Variants in KLHL17 observed in about 807,000 individuals in gnomAD.
The protein encoded by KLHL17 is kelch-like protein 17.
A neutral mutation model predicts 64.6 loss-of-function variants in KLHL17; 71 were observed. The observed-to-expected ratio is 1.10, with a 90% CI of 0.91 to 1.34. KLHL17 has a LOEUF of 1.34. Among genes scored for constraint, KLHL17 ranks in the 40% most tolerant of loss-of-function variants. KLHL17 has a pLI of 0.00. For missense variants in KLHL17, 1,140 were observed against 935.0 expected, an observed-to-expected ratio of 1.22 and a Z score of -2.86; for synonymous variants, 612 against 405.4, an observed-to-expected ratio of 1.51 and a Z score of -6.12.
rs746209366 is a variant in KLHL17, at chr1:964,957, C to G, written c.1701-6C>G. The G allele has an allele frequency of 3.8e-6, 6 of 1,594,006 alleles. No homozygotes were observed. The South Asian group carries it at 5.6e-5, about 15-fold the overall frequency. Reference sequence around the variant, plus strand: ...CAGCCAGGGGCTCACCCCGCCTTCCCCCCAGGAGCACGCATGACCTGGTGG... The same window carrying G: ...CAGCCAGGGGCTCACCCCGCCTTCCGCCCAGGAGCACGCATGACCTGGTGG... On this transcript the variant is annotated splice_region_variant and splice_polypyrimidine_tract_variant and intron_variant, in intron 11 of 11. Coordinates refer to ENST00000338591, the MANE Select transcript of KLHL17 (RefSeq NM_198317.3).
rs767111414 is a variant in KLHL17, at chr1:964,064, C to T, written c.1445-43C>T. The T allele has an allele frequency of 3.7e-6, 6 of 1,611,926 alleles. No individual in the cohort carries two copies. In the African/African-American group the frequency reaches 6.7e-5, roughly 18 times the overall value. On this transcript the variant is annotated intron_variant, in intron 9 of 11. Coordinates refer to ENST00000338591, the MANE Select transcript of KLHL17 (RefSeq NM_198317.3). ...CCCACCTTCCCCCACCGTGGAGACC[C>T]CACTCCCAGCAGGAGTGCCACGGGT... is the stretch of plus-strand genomic sequence containing the variant.
At position 962,486 on chromosome 1, in the gene KLHL17, C is replaced by CG. The variant is rs752752149; in HGVS notation, c.828+21dup. The CG allele has an allele frequency of 2.5e-5, 41 of 1,610,980 alleles. 1 individual carries two copies. The highest frequency in any genetic ancestry group is 3.0e-5 in the Non-Finnish European group (35 of 1,179,226). On this transcript the variant is annotated intron_variant, in intron 5 of 11. Coordinates refer to ENST00000338591, the MANE Select transcript of KLHL17 (RefSeq NM_198317.3). ...ATGTCCCACGGGTGAGGCGCGGCCG[C>CG]GGGGGGCTCCCACAGCATCCAGGAG...
rs574650767 is a variant in KLHL17, at chr1:964,563, G to C, written c.1700+33G>C. 31 of 1,444,630 alleles carry C rather than the reference G, an allele frequency of 2.1e-5. 1 individual carries two copies. The African/African-American group carries it at 4.6e-4, about 22-fold the overall frequency. The allele number at this position is 1,444,630 out of a possible 1,614,324, so 89.5% of individuals were successfully genotyped here. ...GTGGGGCTGCGGGGAGGGGGGCGCG[G>C]GTCCGCAGTGGGGCTGTGGGAGGGG... On this transcript the variant is annotated intron_variant, in intron 11 of 11. Transcript: ENST00000338591.
In KLHL17 at chr1:962,336, T is replaced by C. The variant is rs1557630908; in HGVS notation, c.712-19T>C. The C allele has an allele frequency of 3.1e-6, 5 of 1,612,374 alleles. No homozygotes were observed. The highest frequency in any genetic ancestry group is 2.5e-6 in the Non-Finnish European group (3 of 1,179,768). ...CAGGACCCTCCCCAGATCTCAGGTC[T>C]GAGGACCCCCACTCCCAGGTTCTGG... On this transcript the variant is annotated intron_variant, in intron 4 of 11. Transcript: ENST00000338591.
Position 961,740 on chromosome 1 carries a change from G to A in KLHL17, c.479G>A (p.Gly160Asp), listed in dbSNP as rs28530579. Residue 160 changes from glycine to aspartate, a missense_variant, in exon 3 of 12, where the codon GGC (glycine) becomes GAC (aspartate). Gly to Asp is a moderately conservative substitution (Grantham distance 94). Coordinates refer to ENST00000338591, the MANE Select transcript of KLHL17 (RefSeq NM_198317.3). ...AYTAEIVVGE[G>D]NVQTLLPAAS... ...ACGGCTGAGATTGTGGTGGGCGAGG[G>A]CAATGTGCAGGTGAGGGCTCCCTCA... 3 of 1,611,888 alleles carry A rather than the reference G, an allele frequency of 1.9e-6. No homozygotes were observed. Among genetic ancestry groups the A allele is most frequent in the South Asian group, 1.1e-5 (1 of 90,956 alleles).
chr1:962,999 G>A, intron 6 of KLHL17, 82 bp downstream of exon 6: 1 of 1,529,384 alleles, frequency 6.5e-7, no homozygotes. Flanking sequence ...GTGCCGGTCA[G>A]GTCCTGACCT....
In KLHL17 at chr1:961,376, G is replaced by C; in HGVS notation, c.191G>C (p.Gly64Ala). ...EGAVQLLSRE[G>A]HSVAHNSKRH... ...GCCGTGCAGCTGCTGAGCCGCGAGG[G>C]CCACAGCGTGGCCCACAACTCCAAG... The change falls in exon 2 of 12, where the codon GGC becomes GCC. Residue 64 changes from glycine to alanine, a missense_variant. Gly to Ala is a moderately conservative substitution (Grantham distance 60). Coordinates refer to ENST00000338591, the MANE Select transcript of KLHL17 (RefSeq NM_198317.3). The C allele has an allele frequency of 3.8e-6, 6 of 1,599,466 alleles. No homozygotes were observed. Among genetic ancestry groups the C allele is most frequent in the Non-Finnish European group, 5.1e-6 (6 of 1,175,054 alleles).
At chr1:960,822 C>G (rs911507385) in intron 1 of KLHL17, 22 bp downstream of exon 1, 17 of 991,078 alleles carry the variant, frequency 1.7e-5, no homozygotes, top group Non-Finnish European at 3.6e-6. Flanking sequence ...GGGGTCGGGG[C>G]GCGGGGGGCG....
intron 4 of KLHL17, 97 bp downstream of exon 4, chr1:962,144 C>A: frequency 7.6e-7 from 1 of 1,316,374 alleles, no homozygotes; most frequent in Non-Finnish European, 1.1e-6. Context: ...CACAGCCCTG[C>A]CCACAATCCT....
chr1:961,768 C>T lies in KLHL17; in HGVS notation c.489+18C>T, dbSNP rs757224836. 5 of 1,611,594 alleles carry T rather than the reference C, an allele frequency of 3.1e-6. No homozygotes were observed. The highest frequency in any genetic ancestry group is 2.2e-5 in the South Asian group (2 of 90,944). ...ATGTGCAGGTGAGGGCTCCCTCACC[C>T]GGATCCCGGTGTCCCCCGACCCTGT... On this transcript the variant is annotated intron_variant, in intron 3 of 11. Coordinates refer to ENST00000338591, the MANE Select transcript of KLHL17 (RefSeq NM_198317.3).
chr1:961,539 C>T lies in KLHL17; in HGVS notation c.354C>T (p.His118=), dbSNP rs1642646277. 3.1e-6 allele frequency: 5 copies of T among 1,612,650 alleles called. No homozygotes were observed. Among genetic ancestry groups the T allele is most frequent in the South Asian group, 1.1e-5 (1 of 91,092 alleles). Residue 118 remains histidine (H), a synonymous_variant, in exon 2 of 12, where the codon CAC becomes CAT. Coordinates refer to ENST00000338591, the MANE Select transcript of KLHL17 (RefSeq NM_198317.3). Reference sequence around the variant, plus strand: ...TGGCCTCCTGCAGCCCCTACTTCCACGCCATGTTCACAAGCAAGTACCCGC... The same window carrying T: ...TGGCCTCCTGCAGCCCCTACTTCCATGCCATGTTCACAAGCAAGTACCCGC... ...VVLASCSPYF[H]AMFTNEMSES...
chr1:961,536 C>G lies in KLHL17; in HGVS notation c.351C>G (p.Phe117Leu). 6.2e-7 allele frequency: 1 copy of G among 1,612,654 alleles called. No individual in the cohort carries two copies. Among genetic ancestry groups the G allele is most frequent in the Non-Finnish European group, 8.5e-7 (1 of 1,179,980 alleles). Residue 117 changes from phenylalanine (F) to leucine (L), a missense_variant, in exon 2 of 12, where the codon TTC (phenylalanine) becomes TTG (leucine). By Grantham distance (22) the Phe-to-Leu change is conservative. Coordinates refer to ENST00000338591, the MANE Select transcript of KLHL17 (RefSeq NM_198317.3). ...TGCTGGCCTCCTGCAGCCCCTACTT[C>G]CACGCCATGTTCACAAGCAAGTACC... ...KVVLASCSPY[F>L]HAMFTNEMSE...
rs1338238667 is a variant in KLHL17 at position 965,512 on chromosome 1, G to A, written c.*321G>A. 2.6e-6 allele frequency: 1 copy of A among 387,054 alleles called. No individual in the cohort carries two copies. Among genetic ancestry groups the A allele is most frequent in the Non-Finnish European group, 4.7e-6 (1 of 214,596 alleles). The allele number at this position is 387,054 out of a possible 1,614,324, so 24.0% of individuals were successfully genotyped here. A position where few individuals can be genotyped will look rare whatever the true frequency, so the allele number is the denominator to read the frequency against. ...AGACCTTGCAGGCTGTGGAGCAAGAGGCCCTGGGTCTCTCCAAGCAGCTGC... is the reference window on the plus strand; with the variant it reads ...AGACCTTGCAGGCTGTGGAGCAAGAAGCCCTGGGTCTCTCCAAGCAGCTGC... On this transcript the variant is annotated 3_prime_UTR_variant, in exon 12 of 12. Transcript: ENST00000338591.
In KLHL17 at chr1:963,322, G is replaced by A. The variant is rs200987171; in HGVS notation, c.1188-15G>A. ...GCCAGGCCAGTCTTGACCTGCAGTG[G>A]CTTAATTCCGCTAGCTATGATGGGA... On this transcript the variant is annotated splice_polypyrimidine_tract_variant and intron_variant, in intron 7 of 11. Transcript: ENST00000338591. 2 of 1,604,786 alleles carry A rather than the reference G, an allele frequency of 1.2e-6. No individual in the cohort carries two copies. The highest frequency in any genetic ancestry group is 8.5e-7 in the Non-Finnish European group (1 of 1,173,674).
In KLHL17 at chr1:961,744, T is replaced by A; in HGVS notation, c.483T>A (p.Asn161Lys). 6.2e-7 allele frequency: 1 copy of A among 1,612,028 alleles called. No individual in the cohort carries two copies. The highest frequency in any genetic ancestry group is 8.5e-7 in the Non-Finnish European group (1 of 1,179,524). The change falls in exon 3 of 12, where the codon AAT (asparagine) becomes AAA (lysine). Residue 161 changes from asparagine (N) to lysine (K), a missense_variant. Transcript: ENST00000338591. ...CTGAGATTGTGGTGGGCGAGGGCAATGTGCAGGTGAGGGCTCCCTCACCCG... is the reference window on the plus strand; with the variant it reads ...CTGAGATTGTGGTGGGCGAGGGCAAAGTGCAGGTGAGGGCTCCCTCACCCG... The part of the protein sequence containing the change: ...YTAEIVVGEG[N>K]VQTLLPAASL...
Position 965,214 on chromosome 1 carries a change from C to T in KLHL17, c.*23C>T, listed in dbSNP as rs753078627. The T allele has an allele frequency of 1.9e-5, 31 of 1,600,504 alleles. No homozygotes were observed. Among genetic ancestry groups the T allele is most frequent in the Non-Finnish European group, 1.8e-5 (21 of 1,170,606 alleles). On this transcript the variant is annotated 3_prime_UTR_variant, in exon 12 of 12. Transcript: ENST00000338591. ...TGACCCACCTACCACCAGAGGCCTGCAGCCTCCCACATGCCTTAAGGGGAC... is the reference window on the plus strand; with the variant it reads ...TGACCCACCTACCACCAGAGGCCTGTAGCCTCCCACATGCCTTAAGGGGAC...
At position 962,688 on chromosome 1, in the gene KLHL17, G is replaced by A. The variant is rs200993628; in HGVS notation, c.829-16G>A. On this transcript the variant is annotated splice_polypyrimidine_tract_variant and intron_variant, in intron 5 of 11. Coordinates refer to ENST00000338591, the MANE Select transcript of KLHL17 (RefSeq NM_198317.3). ...CCCGAGGGTCCCGCCTGACCTTGGCGTTCCCTGCACCCCAGCTCATGAAGT... is the reference window on the plus strand; with the variant it reads ...CCCGAGGGTCCCGCCTGACCTTGGCATTCCCTGCACCCCAGCTCATGAAGT... The A allele has an allele frequency of 1.9e-5, 30 of 1,572,088 alleles. No homozygotes were observed. The East Asian group carries it at 2.2e-4, about 12-fold the overall frequency.
Position 962,479 on chromosome 1 carries a change from G to A in KLHL17, c.828+8G>A, listed in dbSNP as rs768137102. On this transcript the variant is annotated splice_region_variant and intron_variant, in intron 5 of 11. Coordinates refer to ENST00000338591, the MANE Select transcript of KLHL17 (RefSeq NM_198317.3). ...AGGCAGCATGTCCCACGGGTGAGGC[G>A]CGGCCGCGGGGGGCTCCCACAGCAT... 5.0e-6 allele frequency: 8 copies of A among 1,611,664 alleles called. No homozygotes were observed. Among genetic ancestry groups the A allele is most frequent in the Admixed American group, 3.3e-5 (2 of 59,922 alleles).
chr1:962,909 T>G lies in KLHL17; in HGVS notation c.1034T>G (p.Phe345Cys). 1 of 1,549,508 alleles carries G rather than the reference T, an allele frequency of 6.5e-7. No individual in the cohort carries two copies. The change falls in exon 6 of 12, where the codon TTT (phenylalanine) becomes TGT (cysteine). Residue 345 changes from phenylalanine to cysteine, a missense_variant. By Grantham distance (205) the Phe-to-Cys change is radical (BLOSUM62 -2). Coordinates refer to ENST00000338591, the MANE Select transcript of KLHL17 (RefSeq NM_198317.3). Reference protein sequence around the residue: ...RRCEGAGPVLFAVGGGSLFAI... With the variant: ...RRCEGAGPVLCAVGGGSLFAI... ...TGCGAGGGGGCCGGGCCTGTGCTTT[T>G]TGCTGTGGGTATGGCCCCCCGCCCG...
Sources: gnomAD v4.1 joint callset for allele counts on GRCh38, gnomAD v4.1.1 for gene constraint, MANE v1.5 for transcripts, NCBI Gene and HGNC (gene_info 2026-07-23, HGNC 2026-07-21) for gene names.